KATNAL1: variants seen among roughly 807,000 people sequenced by gnomAD.
KATNAL1 encodes katanin p60 ATPase-containing subunit A-like 1.
KATNAL1 carries 32 observed loss-of-function variants against 55.2 expected under a neutral mutation model. The observed-to-expected ratio is 0.58, with a 90% CI of 0.44 to 0.78. The LOEUF (loss-of-function observed/expected upper bound fraction) is 0.78. Ranked by LOEUF, KATNAL1 falls within the 30% of genes least tolerant of loss-of-function variation. The probability of loss-of-function intolerance (pLI) is 0.00; values close to 1 mark genes in which losing one functional copy is unlikely to be tolerated. For synonymous variants in KATNAL1, 193 were observed against 193.6 expected (o/e 1.00, Z 0.02); for missense variants, 466 against 600.9 (o/e 0.78, Z 2.35).
chr13:30,225,860 C>T (rs758693862), intron 9 of KATNAL1, among the ~76,000 whole-genome samples: 3 of 151,604 alleles, frequency 2.0e-5, no homozygotes, highest in Non-Finnish European at 4.4e-5. Context: ...TTAAGAGATA[C>T]CATAAAGAAA....
At chr13:30,274,944 CACACACACAG>C (rs980693783) in intron 3 of KATNAL1, among the ~76,000 whole-genome samples, 74 of 150,464 alleles carry the variant, frequency 4.9e-4, no homozygotes, top group African/African-American at 1.7e-3. Flanking sequence ...CACACACACA[CACACACACAG>C]GAATATTATT....
intron 9 of KATNAL1, among the ~76,000 whole-genome samples, chr13:30,219,814 A>C (rs1231029381): frequency 6.6e-6 from 1 of 152,232 alleles, no homozygotes; most frequent in Non-Finnish European, 1.5e-5. Context: ...AAGAAAAACA[A>C]GTTTAGAAGG....
chr13:30,305,637 G>A (rs1883129700), intron 1 of KATNAL1, among the ~76,000 whole-genome samples: 1 of 152,184 alleles, frequency 6.6e-6, no homozygotes, highest in Non-Finnish European at 1.5e-5. Context: ...CTGTTTTGAG[G>A]ATTAAGTAAG....
chr13:30,222,847 C>T (rs569597506), intron 9 of KATNAL1, among the ~76,000 whole-genome samples: 2 of 152,272 alleles, frequency 1.3e-5, no homozygotes, highest in Admixed American at 6.5e-5. Context: ...AATCTCAGCA[C>T]TTTGGGAGGC....
At chr13:30,271,245 T>C (rs183056283) in intron 3 of KATNAL1, among the ~76,000 whole-genome samples, 5 of 152,160 alleles carry the variant, frequency 3.3e-5, no homozygotes, top group African/African-American at 9.7e-5. Context: ...AGGAGGAAAA[T>C]GAGGGACAGG....
chr13:30,276,573 T>G (rs1429024800), intron 3 of KATNAL1, among the ~76,000 whole-genome samples: 2 of 152,072 alleles, frequency 1.3e-5, no homozygotes, highest in African/African-American at 4.8e-5. Flanking sequence ...TATTTTCCTA[T>G]TGACTTAAAT....
chr13:30,212,783 GAT>G, intron 9 of KATNAL1, among the ~76,000 whole-genome samples: 1 of 152,282 alleles, frequency 6.6e-6, no homozygotes, highest in East Asian at 1.9e-4. Context: ...GATACATTTT[GAT>G]ATAATCACAT....
intron 1 of KATNAL1, among the ~76,000 whole-genome samples, chr13:30,289,349 C>A (rs997891086): frequency 2.6e-5 from 4 of 152,218 alleles, no homozygotes; most frequent in African/African-American, 9.6e-5. Context: ...CTTCTCCAGA[C>A]ACAATTCTGC....
chr13:30,304,891 GC>G (rs1883085442), intron 1 of KATNAL1, among the ~76,000 whole-genome samples: 1 of 152,136 alleles, frequency 6.6e-6, no homozygotes, highest in African/African-American at 2.4e-5. Context: ...GAATCAATCA[GC>G]TAAGAGTTCC....
intron 3 of KATNAL1, among the ~76,000 whole-genome samples, chr13:30,274,507 GC>G (rs1329611032): frequency 6.6e-6 from 1 of 152,078 alleles, no homozygotes; most frequent in African/African-American, 2.4e-5. Context: ...TCTTGAGAAG[GC>G]CTATTAGAGT....
intron 3 of KATNAL1, among the ~76,000 whole-genome samples, chr13:30,256,705 A>G (rs940757716): frequency 2.6e-5 from 4 of 152,220 alleles, no homozygotes; most frequent in Non-Finnish European, 5.9e-5. Flanking sequence ...AAAAGAAAAA[A>G]AAAGAAAAAA....
At chr13:30,210,226 C>A in intron 10 of KATNAL1, 90 bp downstream of exon 10, 2 of 1,078,002 alleles carry the variant, frequency 1.9e-6, no homozygotes, top group Non-Finnish European at 2.5e-6. Context: ...TCATGTCTAA[C>A]TACACTGGGC....
intron 2 of KATNAL1, 152 bp downstream of exon 2, chr13:30,283,464 T>C (rs911047851): frequency 7.4e-6 from 4 of 539,434 alleles, no homozygotes; most frequent in Admixed American, 3.6e-5. Flanking sequence ...ACTAGAAAAT[T>C]ATTCAAGAGT....
At position 30,205,750 on chromosome 13, in the gene KATNAL1, C is replaced by CTGTG. The variant is rs143277319; in HGVS notation, c.*2786_*2789dup. 6,447 of 137,404 alleles carry CTGTG rather than the reference C, an allele frequency of 0.047. 159 individuals carry two copies. The highest frequency in any genetic ancestry group is 0.059 in the African/African-American group (2,118 of 35,904). 8.5% of individuals were successfully genotyped at this position (137,404 alleles called of 1,614,324 possible). ...AACACACTGTCTTCTGCAATAAAGACTGTGTGTGTGTGTGTGTGTGTGTGT... is the reference window on the plus strand; with the variant it reads ...AACACACTGTCTTCTGCAATAAAGACTGTGTGTGTGTGTGTGTGTGTGTGTGTGT... On this transcript the variant is annotated 3_prime_UTR_variant, in exon 11 of 11. Transcript: ENST00000380615.
intron 2 of KATNAL1, among the ~76,000 whole-genome samples, chr13:30,283,293 G>GAAAAAAAAAAAAAAAAAAA (rs1593945549): frequency 3.6e-5 from 2 of 55,888 alleles, no homozygotes; most frequent in Non-Finnish European, 3.6e-5. Context: ...AAAAAAAAAG[G>GAAAAAAAAAAAAAAAAAAA]AATGAATGAA....
At chr13:30,296,183 C>T (rs1882478132) in intron 1 of KATNAL1, 1 of 655,888 alleles carries the variant, frequency 1.5e-6, no homozygotes, top group South Asian at 1.9e-5. Flanking sequence ...AAAGCCTGCC[C>T]CTAACTTCAA....
intron 1 of KATNAL1, among the ~76,000 whole-genome samples, chr13:30,285,892 A>G (rs997101494): frequency 1.3e-5 from 2 of 152,226 alleles, no homozygotes; most frequent in African/African-American, 4.8e-5. Flanking sequence ...AGAGACTGGC[A>G]GCATTTTGTC....
chr13:30,291,329 A>C (rs1367898364), intron 1 of KATNAL1, among the ~76,000 whole-genome samples: 1 of 152,256 alleles, frequency 6.6e-6, no homozygotes, highest in East Asian at 1.9e-4. Flanking sequence ...AATCATCCAA[A>C]AAATATTAAA....
chr13:30,209,068 ACT>A (rs1228903380), intron 10 of KATNAL1, among the ~76,000 whole-genome samples: 1 of 152,250 alleles, frequency 6.6e-6, no homozygotes, highest in Non-Finnish European at 1.5e-5. Flanking sequence ...TGAATTGTAC[ACT>A]TGGAAATGAA....
Sources: allele counts gnomAD v4.1 joint callset (sites outside exome capture counted in the v4.1 genomes callset), GRCh38; gene constraint gnomAD v4.1.1; transcripts MANE v1.5; gene names NCBI Gene and HGNC (gene_info 2026-07-23, HGNC 2026-07-21).